Variants in TTC29 observed in about 807,000 individuals in gnomAD.
The protein encoded by TTC29 is tetratricopeptide repeat protein 29.
Under a neutral mutation model 58.1 loss-of-function variants are expected in TTC29, and 49 were observed. The ratio of observed to expected loss-of-function variants is 0.84; its 90% CI spans 0.67 to 1.07. The LOEUF is 1.07. Among genes scored for constraint, TTC29 ranks in the 50% least tolerant of loss-of-function variants. TTC29 has a pLI of 0.00. For synonymous variants in TTC29, 209 were observed against 196.8 expected (o/e 1.06, Z -0.52); for missense variants, 582 against 555.6 (o/e 1.05, Z -0.48).
At chr4:146,897,610 A>G (rs530093740) in intron 6 of TTC29, among the ~76,000 whole-genome samples, 2 of 152,282 alleles carry the variant, frequency 1.3e-5, no homozygotes, top group South Asian at 2.1e-4. Context: ...AGGCTTTGCC[A>G]TGTCATATTG....
chr4:146,944,456 T>G (rs1440709191), intron 2 of TTC29: 1 of 152,214 alleles, frequency 6.6e-6, no homozygotes, highest in South Asian at 2.1e-4. Flanking sequence ...GGCCCCCAAG[T>G]AAAATTCTTC....
intron 11 of TTC29, among the ~76,000 whole-genome samples, chr4:146,774,807 C>T (rs1747972623): frequency 1.3e-5 from 2 of 152,020 alleles, no homozygotes; most frequent in African/African-American, 4.8e-5. Context: ...ATCTGTATCT[C>T]AGATCTGTAT....
intron 10 of TTC29, among the ~76,000 whole-genome samples, chr4:146,819,153 A>T (rs989532441): frequency 2.0e-5 from 3 of 151,282 alleles, no homozygotes; most frequent in Admixed American, 6.6e-5. Context: ...ATAAAAAAAT[A>T]AAAAAAAGAT....
At chr4:146,944,321 AC>A (rs1378397745) in intron 2 of TTC29, 1 of 152,248 alleles carries the variant, frequency 6.6e-6, no homozygotes, top group Non-Finnish European at 1.5e-5. Context: ...CTCTTGTATC[AC>A]AGCTACAATC....
At chr4:146,888,443 G>T (rs1732136218) in intron 6 of TTC29, among the ~76,000 whole-genome samples, 1 of 152,102 alleles carries the variant, frequency 6.6e-6, no homozygotes, top group South Asian at 2.1e-4. Context: ...TCTGCCTGAG[G>T]TCATTCACCA....
intron 6 of TTC29, among the ~76,000 whole-genome samples, chr4:146,897,827 T>C (rs923457386): frequency 6.6e-6 from 1 of 152,150 alleles, no homozygotes; most frequent in Non-Finnish European, 1.5e-5. Context: ...ATCATGGCCT[T>C]CCAGAAGCAA....
In TTC29 at chr4:146,865,987, G is replaced by T. The variant is rs370900175; in HGVS notation, c.885+1511C>A. On this transcript the variant is annotated intron_variant, in intron 8 of 12. Coordinates refer to ENST00000325106, the MANE Select transcript of TTC29 (RefSeq NM_031956.4). ...AAATTCACTCAGGGTGCAGAACAGT[G>T]CATATAAAATGCAACAATTTTCTAA... Among the ~76,000 whole-genome samples the T allele has an allele frequency of 4.3e-4, 65 of 152,206 alleles. 1 individual carries two copies. The East Asian group carries it at 9.1e-3, about 21-fold the overall frequency.
intron 11 of TTC29, among the ~76,000 whole-genome samples, chr4:146,712,617 C>T (rs986514221): frequency 1.3e-5 from 2 of 152,092 alleles, no homozygotes; most frequent in African/African-American, 4.8e-5. Flanking sequence ...TAGCTACCCA[C>T]TTGATACTCA....
rs991836221 is a variant in TTC29, at chr4:146,729,655, T to A, written c.1331-22104A>T. Among the ~76,000 whole-genome samples, 5 of 152,012 alleles carry A rather than the reference T, an allele frequency of 3.3e-5. No individual in the cohort carries two copies. In the South Asian group the frequency reaches 8.3e-4, roughly 25 times the overall value. ...CTGCCTGAGACTGGGTAATTTATTT[T>A]AAAAAAAGATGTTTAATTAACTGAC... is the stretch of plus-strand genomic sequence containing the variant. On this transcript the variant is annotated intron_variant, in intron 11 of 12. Coordinates refer to ENST00000325106, the MANE Select transcript of TTC29 (RefSeq NM_031956.4).
intron 11 of TTC29, among the ~76,000 whole-genome samples, chr4:146,719,257 G>T (rs1209674239): frequency 6.6e-6 from 1 of 150,710 alleles, no homozygotes; most frequent in African/African-American, 2.4e-5. Flanking sequence ...TTTTAGGATT[G>T]TCTTTTCTAT....
chr4:146,748,305 C>A (rs1745699680), intron 11 of TTC29, among the ~76,000 whole-genome samples: 1 of 152,148 alleles, frequency 6.6e-6, no homozygotes, highest in African/African-American at 2.4e-5. Flanking sequence ...AAGACCCTGG[C>A]TTAATGTGAG....
intron 9 of TTC29, among the ~76,000 whole-genome samples, chr4:146,822,035 C>A (rs1282460355): frequency 3.6e-5 from 3 of 84,120 alleles, no homozygotes; most frequent in Non-Finnish European, 7.0e-5. Flanking sequence ...ACTCCAAATT[C>A]TTTTAGCTAT....
intron 11 of TTC29, among the ~76,000 whole-genome samples, chr4:146,743,152 C>CT (rs1273277687): frequency 6.6e-6 from 1 of 151,814 alleles, no homozygotes; most frequent in Non-Finnish European, 1.5e-5. Context: ...CGGTGACACA[C>CT]TTTTTTTAAA....
chr4:146,908,172 C>T (rs1289206320), intron 5 of TTC29, among the ~76,000 whole-genome samples: 1 of 152,094 alleles, frequency 6.6e-6, no homozygotes, highest in Non-Finnish European at 1.5e-5. Context: ...ATAGAAAAGC[C>T]TGAAATGACA....
chr4:146,813,600 C>G (rs923500061), intron 10 of TTC29, among the ~76,000 whole-genome samples: 1 of 151,968 alleles, frequency 6.6e-6, no homozygotes, highest in Non-Finnish European at 1.5e-5. Context: ...AATTACAATA[C>G]CTTGCAGGAG....
chr4:146,708,328 A>ATACATGTATGTGTGTGTG (rs1554002706), intron 11 of TTC29, among the ~76,000 whole-genome samples: 2 of 47,544 alleles, frequency 4.2e-5, no homozygotes, highest in African/African-American at 1.1e-4. Context: ...ATATATATAT[A>ATACATGTATGTGTGTGTG]TATATATATA....
chr4:146,727,108 T>G (rs1481633574), intron 11 of TTC29, among the ~76,000 whole-genome samples: 1 of 151,376 alleles, frequency 6.6e-6, no homozygotes, highest in African/African-American at 2.4e-5. Flanking sequence ...TAAATTTGTG[T>G]TTTATATTTA....
At chr4:146,802,909 G>A (rs370514115) in intron 11 of TTC29, among the ~76,000 whole-genome samples, 2 of 152,200 alleles carry the variant, frequency 1.3e-5, no homozygotes, top group African/African-American at 4.8e-5. Context: ...CCTTCTAGTT[G>A]TTTGGTTTTA....
At chr4:146,786,964 A>G (rs1478507896) in intron 11 of TTC29, among the ~76,000 whole-genome samples, 2 of 151,780 alleles carry the variant, frequency 1.3e-5, no homozygotes, top group Non-Finnish European at 2.9e-5. Flanking sequence ...AAAAAAAGAG[A>G]AAAAAAATTA....
Sources: allele counts gnomAD v4.1 joint callset (sites outside exome capture counted in the v4.1 genomes callset), GRCh38; gene constraint gnomAD v4.1.1; transcripts MANE v1.5; gene names NCBI Gene and HGNC (gene_info 2026-07-23, HGNC 2026-07-21).